Variants in CDK14 observed in about 807,000 individuals in gnomAD.
CDK14 encodes cyclin-dependent kinase 14.
A neutral mutation model predicts 60.7 loss-of-function variants in CDK14; 34 were observed. The ratio of observed to expected loss-of-function variants is 0.56; its 90% CI spans 0.43 to 0.75. The LOEUF (loss-of-function observed/expected upper bound fraction) is 0.75, where lower values mean the gene tolerates loss of function less well. Ranked by LOEUF, CDK14 falls within the 30% of genes least tolerant of loss-of-function variation. The probability of loss-of-function intolerance (pLI) is 0.00; values close to 1 mark genes in which losing one functional copy is unlikely to be tolerated. For synonymous variants in CDK14, 197 were observed against 203.7 expected (o/e 0.97, Z 0.28); for missense variants, 482 against 564.1 (o/e 0.85, Z 1.47).
At chr7:91,085,450 GA>G (rs1054312294) in intron 12 of CDK14, among the ~76,000 whole-genome samples, 51 of 152,290 alleles carry the variant, frequency 3.3e-4, no homozygotes, top group African/African-American at 1.2e-3. Context: ...TCCAGCAGGA[GA>G]AAGTTCTCTG....
intron 10 of CDK14, among the ~76,000 whole-genome samples, chr7:91,032,078 TC>T (rs1796778012): frequency 6.6e-6 from 1 of 152,180 alleles, no homozygotes; most frequent in East Asian, 1.9e-4. Context: ...GGGTCATACA[TC>T]CAGGTTGCAT....
At chr7:90,990,253 G>C (rs1029404687) in intron 10 of CDK14, among the ~76,000 whole-genome samples, 5 of 152,172 alleles carry the variant, frequency 3.3e-5, no homozygotes, top group African/African-American at 1.2e-4. Flanking sequence ...ACTCCAGCCT[G>C]CGTGACAGAG....
intron 12 of CDK14, among the ~76,000 whole-genome samples, chr7:91,110,194 G>A (rs1039366822): frequency 6.6e-6 from 1 of 152,062 alleles, no homozygotes; most frequent in Non-Finnish European, 1.5e-5. Flanking sequence ...AATGCATGTA[G>A]AGACTTAAAA....
chr7:91,164,094 C>A (rs1008229061), intron 14 of CDK14, among the ~76,000 whole-genome samples: 1 of 152,068 alleles, frequency 6.6e-6, no homozygotes, highest in Non-Finnish European at 1.5e-5. Flanking sequence ...TGACAGGGCA[C>A]GTAGCATACA....
intron 5 of CDK14, among the ~76,000 whole-genome samples, chr7:90,827,059 A>AC: frequency 6.8e-6 from 1 of 147,450 alleles, no homozygotes; most frequent in Non-Finnish European, 1.5e-5. Context: ...TTGCTGCCCA[A>AC]CCCCCCACCC....
At chr7:90,732,490 G>A (rs546276475) in intron 3 of CDK14, among the ~76,000 whole-genome samples, 20 of 152,148 alleles carry the variant, frequency 1.3e-4, no homozygotes, top group African/African-American at 4.8e-4. Context: ...TTGGTTGGTA[G>A]GCTATTAATT....
chr7:91,184,177 C>T (rs1001994636), intron 14 of CDK14, among the ~76,000 whole-genome samples: 39 of 114,428 alleles, frequency 3.4e-4, no homozygotes, highest in African/African-American at 1.2e-3. Context: ...TGCACTCCAG[C>T]CTGGGTGACA....
intron 5 of CDK14, among the ~76,000 whole-genome samples, chr7:90,857,526 G>A (rs373441099): frequency 3.5e-4 from 53 of 152,136 alleles, no homozygotes; most frequent in East Asian, 1.3e-3. Context: ...AAATCTCACT[G>A]GTGAAATAAA....
intron 10 of CDK14, among the ~76,000 whole-genome samples, chr7:91,044,085 C>G (rs1448611273): frequency 6.6e-6 from 1 of 152,132 alleles, no homozygotes; most frequent in Non-Finnish European, 1.5e-5. Flanking sequence ...TATAAGTGAC[C>G]AATGGCCCAT....
At chr7:91,054,353 A>G in intron 11 of CDK14, among the ~76,000 whole-genome samples, 1 of 151,270 alleles carries the variant, frequency 6.6e-6, no homozygotes, top group South Asian at 2.1e-4. Flanking sequence ...TGCTTGACAC[A>G]AGCCTTAGGG....
intron 2 of CDK14, chr7:90,709,534 G>T (rs1305851488): frequency 6.2e-7 from 1 of 1,612,612 alleles, no homozygotes. Context: ...GAATTGCCTT[G>T]ACAGCATATG....
chr7:90,789,389 A>G (rs1295790570), intron 4 of CDK14, among the ~76,000 whole-genome samples: 1 of 152,142 alleles, frequency 6.6e-6, no homozygotes, highest in Non-Finnish European at 1.5e-5. Flanking sequence ...ATATATATGT[A>G]AGTCTATATA....
intron 14 of CDK14, among the ~76,000 whole-genome samples, chr7:91,172,861 T>G (rs1224025576): frequency 6.6e-6 from 1 of 152,236 alleles, no homozygotes; most frequent in Non-Finnish European, 1.5e-5. Context: ...ACATCAGATT[T>G]TATTTTTATT....
At chr7:90,726,364 C>G in intron 2 of CDK14, 1 of 1,324,684 alleles carries the variant, frequency 7.5e-7, no homozygotes, top group Non-Finnish European at 9.8e-7. Flanking sequence ...AGTGTAAGCT[C>G]TAGTGTGAGA....
intron 5 of CDK14, among the ~76,000 whole-genome samples, chr7:90,820,011 A>G (rs1376068113): frequency 6.6e-6 from 1 of 152,248 alleles, no homozygotes; most frequent in Middle Eastern, 3.4e-3. Flanking sequence ...CTGTAGTTTC[A>G]TTATGCCACA....
intron 5 of CDK14, among the ~76,000 whole-genome samples, chr7:90,817,051 C>T (rs542959179): frequency 6.6e-6 from 1 of 152,096 alleles, no homozygotes; most frequent in Non-Finnish European, 1.5e-5. Flanking sequence ...GTGTGAAGTG[C>T]CAAAAAACAC....
chr7:90,693,000 A>T (rs777710756), intron 2 of CDK14, among the ~76,000 whole-genome samples: 6 of 151,814 alleles, frequency 4.0e-5, no homozygotes, highest in Non-Finnish European at 8.8e-5. Context: ...AGCTTGTGGG[A>T]TGTACTAGGA....
At chr7:90,866,217 TACAC>T (rs952458189) in intron 6 of CDK14, among the ~76,000 whole-genome samples, 1 of 107,424 alleles carries the variant, frequency 9.3e-6, no homozygotes, top group Non-Finnish European at 1.9e-5. Flanking sequence ...TCTTCTGAAA[TACAC>T]ACACATACAC....
intron 7 of CDK14, among the ~76,000 whole-genome samples, chr7:90,903,131 G>A (rs1297798207): frequency 6.6e-6 from 1 of 152,084 alleles, no homozygotes; most frequent in Non-Finnish European, 1.5e-5. Context: ...CATACACTGT[G>A]GGAATATAAA....
Sources: gnomAD v4.1 joint callset for allele counts (sites outside exome capture counted in the v4.1 genomes callset) on GRCh38, gnomAD v4.1.1 for gene constraint, MANE v1.5 for transcripts, NCBI Gene and HGNC (gene_info 2026-07-23, HGNC 2026-07-21) for gene names.